The following FOXP1 variants were observed in gnomAD, a reference collection of about 807,000 sequenced individuals.
FOXP1 encodes forkhead box protein P1.
In FOXP1, 15 loss-of-function variants were observed where a neutral mutation model predicts 98.2. That is an observed-to-expected ratio of 0.15 (90% CI 0.10 to 0.24). FOXP1 has a LOEUF of 0.24. Ranked by LOEUF, FOXP1 falls within the 10% of genes least tolerant of loss-of-function variation. FOXP1 has a pLI of 1.00. For missense variants in FOXP1, 633 were observed against 848.5 expected (o/e 0.75, Z 3.15); for synonymous variants, 371 against 314.5 (o/e 1.18, Z -1.90).
chr3:70,992,447 T>C (rs1460353989), intron 13 of FOXP1, among the ~76,000 whole-genome samples: 1 of 152,100 alleles, frequency 6.6e-6, no homozygotes, highest in Non-Finnish European at 1.5e-5. Context: ...GAAAAAGCAG[T>C]GACTAGAAGG....
At chr3:71,424,716 C>G (rs2083975279) in intron 3 of FOXP1, among the ~76,000 whole-genome samples, 1 of 152,262 alleles carries the variant, frequency 6.6e-6, no homozygotes, top group African/African-American at 2.4e-5. Context: ...GTTGGTGTCA[C>G]TGCCGAGCTG....
intron 2 of FOXP1, among the ~76,000 whole-genome samples, chr3:71,525,286 C>T (rs575668738): frequency 3.3e-5 from 5 of 152,284 alleles, no homozygotes; most frequent in African/African-American, 4.8e-5. Flanking sequence ...TTGAATGAAA[C>T]GCCTATTCCT....
chr3:71,247,722 G>A (rs1299779775), intron 5 of FOXP1, among the ~76,000 whole-genome samples: 2 of 152,064 alleles, frequency 1.3e-5, no homozygotes, highest in Non-Finnish European at 2.9e-5. Context: ...TTGGGGAAAC[G>A]CCCATTCTCC....
chr3:71,286,100 C>A (rs1167073261), intron 5 of FOXP1, among the ~76,000 whole-genome samples: 15 of 152,210 alleles, frequency 9.9e-5, no homozygotes, highest in Admixed American at 9.8e-4. Flanking sequence ...TACCTAATGT[C>A]AGTCACTTCT....
chr3:71,151,016 G>A (rs918677062), intron 6 of FOXP1, among the ~76,000 whole-genome samples: 4 of 152,226 alleles, frequency 2.6e-5, no homozygotes, highest in South Asian at 2.1e-4. Context: ...GAAAATTATC[G>A]CCAATATTCC....
intron 4 of FOXP1, among the ~76,000 whole-genome samples, chr3:71,346,333 G>A (rs2077358634): frequency 1.3e-5 from 2 of 152,130 alleles, no homozygotes; most frequent in South Asian, 2.1e-4. Context: ...AGACCCAAGC[G>A]CCAAAGTTTT....
intron 14 of FOXP1, among the ~76,000 whole-genome samples, 157 bp downstream of exon 14, chr3:70,987,837 T>C (rs1185438668): frequency 6.6e-6 from 1 of 152,196 alleles, no homozygotes; most frequent in Non-Finnish European, 1.5e-5. Context: ...ACCTTCATCA[T>C]AAAGGATAAC....
At chr3:71,475,795 T>C (rs556177557) in intron 3 of FOXP1, among the ~76,000 whole-genome samples, 114 of 152,060 alleles carry the variant, frequency 7.5e-4, no homozygotes, top group Non-Finnish European at 1.4e-3. Flanking sequence ...TGAGCTGAGA[T>C]TGTGCCACTG....
chr3:71,115,317 TTTTATTTATTTA>T (rs10563814), intron 6 of FOXP1, among the ~76,000 whole-genome samples: 13 of 144,124 alleles, frequency 9.0e-5, no homozygotes, highest in African/African-American at 2.6e-4. Context: ...ATTATTATTA[TTTTATTTATTTA>T]TTTATTTATT....
intron 14 of FOXP1, among the ~76,000 whole-genome samples, chr3:70,980,344 C>T (rs532943861): frequency 8.6e-4 from 131 of 152,284 alleles, no homozygotes; most frequent in Non-Finnish European, 1.2e-3. Context: ...ATAATTCAGA[C>T]GCTGCTAAGC....
chr3:71,393,006 A>G (rs1387121796), intron 3 of FOXP1, among the ~76,000 whole-genome samples: 1 of 152,188 alleles, frequency 6.6e-6, no homozygotes, highest in Non-Finnish European at 1.5e-5. Context: ...ATAGCCTGAT[A>G]ATTTACTAAT....
chr3:71,388,596 GAAAAA>G (rs2080779473), intron 3 of FOXP1, among the ~76,000 whole-genome samples: 1 of 152,060 alleles, frequency 6.6e-6, no homozygotes, highest in African/African-American at 2.4e-5. Context: ...TTATTAAAAT[GAAAAA>G]TTAAATGAAG....
rs148134975 is a variant in FOXP1 at position 71,346,973 on chromosome 3, C to T, written c.-73+12177G>A. Among the ~76,000 whole-genome samples the T allele has an allele frequency of 4.3e-3, 653 of 152,130 alleles. 8 individuals are homozygous for T. The highest frequency in any genetic ancestry group is 0.015 in the African/African-American group (625 of 41,478). ...ACTTGAACCCGGGACATGGAGGTTG[C>T]AGTTAGCCAAGATCGCACCACCATT... On this transcript the variant is annotated intron_variant, in intron 4 of 20. Coordinates refer to ENST00000649528, the MANE Select transcript of FOXP1 (RefSeq NM_001349338.3).
chr3:70,962,912 T>C (rs2033888753), intron 20 of FOXP1, among the ~76,000 whole-genome samples: 1 of 152,216 alleles, frequency 6.6e-6, no homozygotes, highest in South Asian at 2.1e-4. Context: ...CAGGTGCATG[T>C]AAAGCCCCAC....
intron 11 of FOXP1, among the ~76,000 whole-genome samples, chr3:71,028,168 T>C (rs1475569098): frequency 1.3e-5 from 2 of 152,210 alleles, no homozygotes; most frequent in Non-Finnish European, 2.9e-5. Flanking sequence ...TTTTGCTCCA[T>C]AAAATAGCTT....
intron 3 of FOXP1, among the ~76,000 whole-genome samples, chr3:71,390,699 G>A (rs1257983361): frequency 2.6e-5 from 4 of 152,204 alleles, no homozygotes; most frequent in Non-Finnish European, 5.9e-5. Flanking sequence ...GTAAACAAAG[G>A]CCAACTTCTT....
chr3:71,137,695 A>G (rs1339192996), intron 6 of FOXP1, among the ~76,000 whole-genome samples: 7 of 152,134 alleles, frequency 4.6e-5, no homozygotes, highest in Non-Finnish European at 2.9e-5. Flanking sequence ...ATGTTTGTCA[A>G]CAATTCGCCC....
intron 5 of FOXP1, among the ~76,000 whole-genome samples, chr3:71,256,473 T>C (rs1018296968): frequency 2.0e-5 from 3 of 152,182 alleles, no homozygotes; most frequent in African/African-American, 7.2e-5. Flanking sequence ...AAGCTCCACC[T>C]CTCGGGTTCA....
intron 13 of FOXP1, among the ~76,000 whole-genome samples, chr3:70,998,689 G>C (rs1253850076): frequency 6.6e-6 from 1 of 152,074 alleles, no homozygotes; most frequent in Non-Finnish European, 1.5e-5. Context: ...AAGGATAAAA[G>C]GAAATCTAGA....
Sources: gnomAD v4.1 joint callset for allele counts (sites outside exome capture counted in the v4.1 genomes callset) on GRCh38, gnomAD v4.1.1 for gene constraint, MANE v1.5 for transcripts, NCBI Gene and HGNC (gene_info 2026-07-23, HGNC 2026-07-21) for gene names.